KCNH5: variants seen among roughly 807,000 people sequenced by gnomAD.
The protein encoded by KCNH5 is potassium voltage-gated channel subfamily H member 5.
A neutral mutation model predicts 96.1 loss-of-function variants in KCNH5; 46 were observed. The ratio of observed to expected loss-of-function variants is 0.48; its 90% CI spans 0.38 to 0.61. The LOEUF (loss-of-function observed/expected upper bound fraction) is 0.61. KCNH5 is among the 20% of genes least tolerant of loss of function. The pLI, the probability that KCNH5 is intolerant of heterozygous loss-of-function variation, is 0.00. For missense variants in KCNH5, 907 were observed against 1,225.8 expected, an observed-to-expected ratio of 0.74 and a Z score of 3.88; for synonymous variants, 439 against 449.8, an observed-to-expected ratio of 0.98 and a Z score of 0.30.
At chr14:62,985,407 A>G (rs1890685205) in intron 5 of KCNH5, among the ~76,000 whole-genome samples, 1 of 152,158 alleles carries the variant, frequency 6.6e-6, no homozygotes, top group African/African-American at 2.4e-5. Context: ...ACCAGATTCA[A>G]TATTTACGAC....
chr14:62,751,839 T>C (rs554003952), intron 10 of KCNH5, among the ~76,000 whole-genome samples: 11 of 152,316 alleles, frequency 7.2e-5, no homozygotes, highest in Admixed American at 3.9e-4. Context: ...TGGGGACCCA[T>C]AGCTGCTTTT....
At chr14:62,913,146 T>A (rs1369124707) in intron 7 of KCNH5, among the ~76,000 whole-genome samples, 1 of 152,234 alleles carries the variant, frequency 6.6e-6, no homozygotes, top group Non-Finnish European at 1.5e-5. Flanking sequence ...ATAAATCTGA[T>A]GCATCTTGTT....
intron 1 of KCNH5, among the ~76,000 whole-genome samples, chr14:63,026,304 G>A (rs1351922827): frequency 6.6e-6 from 1 of 152,054 alleles, no homozygotes; most frequent in African/African-American, 2.4e-5. Context: ...ATTGGTCTGA[G>A]CAAAGATTTT....
At chr14:62,837,760 A>T (rs955157621) in intron 8 of KCNH5, among the ~76,000 whole-genome samples, 2 of 152,214 alleles carry the variant, frequency 1.3e-5, no homozygotes, top group African/African-American at 4.8e-5. Flanking sequence ...TATATGAATC[A>T]GTAAAAACAT....
At chr14:62,713,499 G>A (rs1566636287) in intron 10 of KCNH5, among the ~76,000 whole-genome samples, 1 of 152,142 alleles carries the variant, frequency 6.6e-6, no homozygotes, top group Non-Finnish European at 1.5e-5. Context: ...ATATCCACTA[G>A]AAGCTCATTT....
At chr14:62,800,457 AC>A (rs1886638289) in intron 9 of KCNH5, among the ~76,000 whole-genome samples, 1 of 152,162 alleles carries the variant, frequency 6.6e-6, no homozygotes, top group South Asian at 2.1e-4. Flanking sequence ...GAGGCACTGT[AC>A]CCAGGACTTT....
intron 8 of KCNH5, among the ~76,000 whole-genome samples, chr14:62,824,804 T>C (rs1887187562): frequency 6.6e-6 from 1 of 152,036 alleles, no homozygotes; most frequent in Non-Finnish European, 1.5e-5. Flanking sequence ...CCCAGTCTAT[T>C]GTTGCCATCT....
chr14:63,035,982 C>T (rs543359717), intron 1 of KCNH5, among the ~76,000 whole-genome samples: 13 of 152,298 alleles, frequency 8.5e-5, no homozygotes, highest in African/African-American at 2.9e-4. Context: ...AACACCTTTG[C>T]TCTTTCCATC....
intron 3 of KCNH5, among the ~76,000 whole-genome samples, chr14:63,005,019 T>C (rs1207018750): frequency 6.6e-6 from 1 of 152,180 alleles, no homozygotes; most frequent in African/African-American, 2.4e-5. Context: ...GAAGGATTTT[T>C]TGGTATACAG....
At chr14:62,770,658 A>G (rs1340814176) in intron 10 of KCNH5, among the ~76,000 whole-genome samples, 1 of 152,090 alleles carries the variant, frequency 6.6e-6, no homozygotes, top group Non-Finnish European at 1.5e-5. Context: ...TTCTTAAATC[A>G]CTGTAGGGCA....
At chr14:62,862,827 T>C (rs904796657) in intron 7 of KCNH5, among the ~76,000 whole-genome samples, 13 of 152,142 alleles carry the variant, frequency 8.5e-5, no homozygotes, top group Non-Finnish European at 1.5e-5. Flanking sequence ...AAACCCAAGC[T>C]AAATGAGCAG....
chr14:62,884,228 AT>A (rs1390972972), intron 7 of KCNH5, among the ~76,000 whole-genome samples: 2 of 152,352 alleles, frequency 1.3e-5, no homozygotes, highest in East Asian at 3.9e-4. Context: ...AGCGCTCAGT[AT>A]GGATATAGCC....
chr14:62,725,096 T>C (rs1209552805), intron 10 of KCNH5, among the ~76,000 whole-genome samples: 1 of 152,246 alleles, frequency 6.6e-6, no homozygotes, highest in African/African-American at 2.4e-5. Flanking sequence ...AAGATCTTTA[T>C]ATAATTGTTA....
At chr14:62,911,722 CTTT>C (rs556151079) in intron 7 of KCNH5, among the ~76,000 whole-genome samples, 2 of 142,980 alleles carry the variant, frequency 1.4e-5, no homozygotes, top group Non-Finnish European at 3.1e-5. Context: ...TTTTAACTAG[CTTT>C]TTTTTTTTTT....
chr14:62,859,339 T>A (rs984839519), intron 7 of KCNH5, among the ~76,000 whole-genome samples: 9 of 152,158 alleles, frequency 5.9e-5, no homozygotes, highest in African/African-American at 2.2e-4. Context: ...AGCCCATGCA[T>A]AACCTCCATC....
At chr14:62,953,868 A>G (rs1050858844) in intron 6 of KCNH5, among the ~76,000 whole-genome samples, 8 of 152,124 alleles carry the variant, frequency 5.3e-5, no homozygotes, top group African/African-American at 1.9e-4. Flanking sequence ...ATCACACTAC[A>G]AGGGCTATCA....
intron 1 of KCNH5, among the ~76,000 whole-genome samples, 153 bp downstream of exon 1, chr14:63,044,961 C>A (rs1010854245): frequency 6.6e-6 from 1 of 152,142 alleles, no homozygotes; most frequent in African/African-American, 2.4e-5. Flanking sequence ...CCACCCCACC[C>A]CACCCCAAAT....
At chr14:62,915,183 G>A (rs1420980113) in intron 7 of KCNH5, among the ~76,000 whole-genome samples, 1 of 152,214 alleles carries the variant, frequency 6.6e-6, no homozygotes, top group African/African-American at 2.4e-5. Flanking sequence ...AATTATTTGT[G>A]TAGAACTAAT....
chr14:62,930,696 G>A (rs1889564746), intron 7 of KCNH5, among the ~76,000 whole-genome samples: 1 of 152,084 alleles, frequency 6.6e-6, no homozygotes, highest in Non-Finnish European at 1.5e-5. Context: ...ACTACAGAAT[G>A]CTGTTTACTA....
Sources: allele counts gnomAD v4.1 joint callset (sites outside exome capture counted in the v4.1 genomes callset), GRCh38; gene constraint gnomAD v4.1.1; transcripts MANE v1.5; gene names NCBI Gene and HGNC (gene_info 2026-07-23, HGNC 2026-07-21).